The following RTEL1 variants were observed in gnomAD, a reference collection of about 807,000 sequenced individuals.
The protein encoded by RTEL1 is regulator of telomere elongation helicase 1, also known as regulator of telomere length.
In RTEL1, 86 loss-of-function variants were observed where a neutral mutation model predicts 162.2. The observed-to-expected ratio is 0.53, with a 90% CI of 0.45 to 0.63. The LOEUF (loss-of-function observed/expected upper bound fraction) is 0.63, where lower values mean the gene tolerates loss of function less well. Ranked by LOEUF, RTEL1 falls within the 30% of genes least tolerant of loss-of-function variation. The probability of loss-of-function intolerance (pLI) is 0.00; values close to 1 mark genes in which losing one functional copy is unlikely to be tolerated. For synonymous variants in RTEL1, 958 were observed against 717.9 expected (o/e 1.33, Z -5.35); for missense variants, 1,941 against 1,750.2 (o/e 1.11, Z -1.95).
chr20:63,663,897 C>T (rs1456445719), intron 6 of RTEL1, among the ~76,000 whole-genome samples: 2 of 152,178 alleles, frequency 1.3e-5, no homozygotes, highest in South Asian at 2.1e-4. Context: ...CAGGTGGTCC[C>T]GCATGACCCA....
Position 63,661,534 on chromosome 20 carries a change from G to C in RTEL1, c.301+38G>C. ...CCCAGGCCTCTCCTGGCCTCCTGTG[G>C]GGATGGTTGGCAAGGGATGGCGCTG... On this transcript the variant is annotated intron_variant, in intron 3 of 34. Coordinates refer to ENST00000360203, the MANE Select transcript of RTEL1 (RefSeq NM_001283009.2). The surrounding 1 kb of genome is among the most constrained non-coding windows in gnomAD (Gnocchi z 5.1). The C allele has an allele frequency of 6.3e-7, 1 of 1,585,010 alleles. No homozygotes were observed. The highest frequency in any genetic ancestry group is 8.6e-7 in the Non-Finnish European group (1 of 1,168,742).
chr20:63,695,280 G>A, intron 33 of RTEL1, 48 bp from the exon 34 acceptor site: 2 of 1,595,278 alleles, frequency 1.3e-6, no homozygotes, highest in Middle Eastern at 1.7e-4. Context: ...CCCTGGGAGT[G>A]AGCAGCAAAG....
At chr20:63,693,468 T>TCCACCACCACCACCACCACCTCCA (rs1568720038) in intron 30 of RTEL1, among the ~76,000 whole-genome samples, 185 bp downstream of exon 30, 1 of 9,750 alleles carries the variant, frequency 1.0e-4, no homozygotes, top group South Asian at 3.4e-3. Context: ...CACCTCCACC[T>TCCACCACCACCACCACCACCTCCA]CCACCTCCAC....
intron 10 of RTEL1, among the ~76,000 whole-genome samples, chr20:63,674,967 G>A (rs1265647883): frequency 3.3e-5 from 5 of 151,848 alleles, no homozygotes; most frequent in Admixed American, 6.6e-5. Context: ...GAGTGCAATG[G>A]CGCGATCTTG....
At chr20:63,687,817 C>T (rs1568707747) in intron 17 of RTEL1, 47 bp downstream of exon 17, 10 of 1,553,542 alleles carry the variant, frequency 6.4e-6, no homozygotes, top group Non-Finnish European at 8.7e-6. Flanking sequence ...ACACCTCTGA[C>T]ATCAGCGGGG....
Position 63,690,286 on chromosome 20 carries a change from T to C in RTEL1, c.2266-8T>C. On this transcript the variant is annotated splice_polypyrimidine_tract_variant and splice_region_variant and intron_variant, in intron 25 of 34. Transcript: ENST00000360203. The stretch of plus-strand genomic sequence containing the variant: ...GAAATGGGTCCACCCACCCCCATGG[T>C]TCTGCAGATGCCAGCGCCGGCCCCC... The C allele has an allele frequency of 1.9e-6, 3 of 1,603,676 alleles. No individual in the cohort carries two copies. The highest frequency in any genetic ancestry group is 1.7e-4 in the Middle Eastern group (1 of 6,016).
chr20:63,693,905 A>C (rs182521844), intron 30 of RTEL1, among the ~76,000 whole-genome samples: 91 of 150,482 alleles, frequency 6.0e-4, no homozygotes, highest in African/African-American at 2.1e-3. Context: ...CTGGGGGGTC[A>C]ACTGCACACG....
intron 14 of RTEL1, chr20:63,682,473 C>G (rs1402394696): frequency 2.0e-6 from 2 of 985,462 alleles, no homozygotes; most frequent in Non-Finnish European, 2.4e-6. Context: ...CTCCCAGGCC[C>G]CCACTTAAGG....
intron 7 of RTEL1, among the ~76,000 whole-genome samples, chr20:63,666,513 C>G (rs576779621): frequency 6.6e-6 from 1 of 152,174 alleles, no homozygotes; most frequent in Non-Finnish European, 1.5e-5. Flanking sequence ...TAATAAAGCT[C>G]TTCTTATATT....
chr20:63,693,456 T>TTCACCACCA (rs2090829995), intron 30 of RTEL1, among the ~76,000 whole-genome samples, 173 bp downstream of exon 30: 2 of 21,072 alleles, frequency 9.5e-5, no homozygotes, highest in East Asian at 2.5e-3. Flanking sequence ...CAGCACCACC[T>TTCACCACCA]CCACCTCCAC....
chr20:63,684,122 A>G (rs954824252), intron 14 of RTEL1, among the ~76,000 whole-genome samples: 1 of 152,084 alleles, frequency 6.6e-6, no homozygotes, highest in African/African-American at 2.4e-5. Context: ...TCCAAACTGC[A>G]CTGTAGAGTG....
chr20:63,675,777 T>C (rs1292740424), intron 10 of RTEL1, among the ~76,000 whole-genome samples: 1 of 152,090 alleles, frequency 6.6e-6, no homozygotes, highest in Non-Finnish European at 1.5e-5. Flanking sequence ...ACCCCACCTC[T>C]CTAACGGGGT....
At chr20:63,662,917 C>T (rs372299976) in intron 6 of RTEL1, 28 bp downstream of exon 6, 19 of 1,608,042 alleles carry the variant, frequency 1.2e-5, no homozygotes, top group Middle Eastern at 1.7e-4. Flanking sequence ...GGACCAGGGT[C>T]GGGTTGGAGT....
rs961593162 is a variant in RTEL1 at position 63,691,799 on chromosome 20, C to T, written c.2614C>T (p.Arg872Ter). 6.2e-6 allele frequency: 10 copies of T among 1,612,208 alleles called. No homozygotes were observed. The highest frequency in any genetic ancestry group is 5.3e-5 in the African/African-American group (4 of 74,898). Residue 872 changes from arginine to a stop codon, truncating the protein, a stop_gained, in exon 28 of 35, where the codon CGA (arginine) becomes TGA (stop). Transcript: ENST00000360203. LOFTEE classifies it high-confidence loss of function. The part of the protein sequence containing the change: ...LSEKRPAEEP[R>*]GGRKKIRLVS... ...TGAGAAGAGGCCGGCAGAAGAACCG[C>T]GAGGAGGGAGGAAGAAGATCCGGCT...
At chr20:63,695,305 C>T (rs1456214926) in intron 33 of RTEL1, 23 bp from the exon 34 acceptor site, 14 of 1,579,914 alleles carry the variant, frequency 8.9e-6, no homozygotes, top group Non-Finnish European at 1.1e-5. Context: ...AGGCCCCCCT[C>T]AGACTCAAGT....
At chr20:63,674,218 C>G in intron 10 of RTEL1, 125 bp downstream of exon 10, 1 of 1,457,000 alleles carries the variant, frequency 6.9e-7, no homozygotes, top group East Asian at 2.5e-5. Context: ...GGTCCTGAGG[C>G]CCGTGCTACT....
Position 63,662,386 on chromosome 20 carries a change from C to T in RTEL1, c.396-160C>T, listed in dbSNP as rs200679018. On this transcript the variant is annotated intron_variant, in intron 4 of 34. Coordinates refer to ENST00000360203, the MANE Select transcript of RTEL1 (RefSeq NM_001283009.2). ...CCTCCCTCTGTCCAGTACCCCCGCTCGTCTTCTAGCTCCCTCCTACGCCCG... is the reference window on the plus strand; with the variant it reads ...CCTCCCTCTGTCCAGTACCCCCGCTTGTCTTCTAGCTCCCTCCTACGCCCG... The T allele has an allele frequency of 3.0e-3, 4,329 of 1,453,350 alleles. 140 individuals carry two copies. The South Asian group carries it at 0.049, about 16-fold the overall frequency. 90.0% of individuals were successfully genotyped at this position (1,453,350 alleles called of 1,614,324 possible).
chr20:63,667,382 C>A, intron 7 of RTEL1, 87 bp from the exon 8 acceptor site: 1 of 1,045,190 alleles, frequency 9.6e-7, no homozygotes. Context: ...AGGATGAGGG[C>A]TCCTTCCGGG....
chr20:63,694,560 T>C, intron 31 of RTEL1, 72 bp downstream of exon 31: 2 of 1,361,486 alleles, frequency 1.5e-6, no homozygotes, highest in African/African-American at 2.9e-5. Flanking sequence ...GGCTAACTCT[T>C]GAGTGTGGCC....
Sources: gnomAD v4.1 joint callset for allele counts (sites outside exome capture counted in the v4.1 genomes callset) on GRCh38, gnomAD v4.1.1 for gene constraint, Gnocchi (gnomAD v3.1) non-coding constraint, MANE v1.5 for transcripts, NCBI Gene and HGNC (gene_info 2026-07-23, HGNC 2026-07-21) for gene names.